The following HS6ST3 variants were observed in gnomAD, a reference collection of about 807,000 sequenced individuals.
HS6ST3 encodes the protein heparan-sulfate 6-O-sulfotransferase 3.
Under a neutral mutation model 36.7 loss-of-function variants are expected in HS6ST3, and 12 were observed. The observed-to-expected ratio is 0.33, with a 90% CI of 0.21 to 0.53. The LOEUF (loss-of-function observed/expected upper bound fraction) is 0.53, where lower values mean the gene tolerates loss of function less well. HS6ST3 is among the 20% of genes least tolerant of loss of function. The probability of loss-of-function intolerance (pLI) is 0.95; values close to 1 mark genes in which losing one functional copy is unlikely to be tolerated. For missense variants in HS6ST3, 584 were observed against 640.9 expected (o/e 0.91, Z 0.96); for synonymous variants, 240 against 257.5 (o/e 0.93, Z 0.65).
chr13:96,661,327 G>A (rs2056645639), intron 1 of HS6ST3, among the ~76,000 whole-genome samples: 1 of 152,118 alleles, frequency 6.6e-6, no homozygotes, highest in South Asian at 2.1e-4. Flanking sequence ...CCAGTATTGG[G>A]TGCATGTATT....
intron 1 of HS6ST3, among the ~76,000 whole-genome samples, chr13:96,488,780 A>C (rs1228403193): frequency 6.6e-6 from 1 of 152,072 alleles, no homozygotes; most frequent in African/African-American, 2.4e-5. Flanking sequence ...ATTCTTGGTC[A>C]CTTTGAATGC....
intron 1 of HS6ST3, among the ~76,000 whole-genome samples, chr13:96,476,029 G>T (rs1365941466): frequency 6.6e-6 from 1 of 152,200 alleles, no homozygotes; most frequent in African/African-American, 2.4e-5. Context: ...ACGCCTTGGA[G>T]GCTGGTAAAT....
At chr13:96,699,231 A>G (rs1266107513) in intron 1 of HS6ST3, among the ~76,000 whole-genome samples, 8 of 152,224 alleles carry the variant, frequency 5.3e-5, no homozygotes, top group Non-Finnish European at 8.8e-5. Flanking sequence ...AATGGTAACA[A>G]AAGCCAAAAT....
intron 1 of HS6ST3, among the ~76,000 whole-genome samples, chr13:96,135,778 G>C (rs2053998704): frequency 6.6e-6 from 1 of 152,210 alleles, no homozygotes; most frequent in Non-Finnish European, 1.5e-5. Context: ...AGTGAATTAG[G>C]CATAGAGTTT....
chr13:96,513,570 G>A lies in HS6ST3; in HGVS notation c.708-318920G>A, dbSNP rs2056059588. On this transcript the variant is annotated intron_variant, in intron 1 of 1. Transcript: ENST00000376705. ...TCCACTTCTTGGCTGAGCTCTGCCA[G>A]GTTACTTTTTATTTCCTTACATTGT... Among the ~76,000 whole-genome samples the A allele has an allele frequency of 2.6e-5, 4 of 151,924 alleles. No individual in the cohort carries two copies. The South Asian group carries it at 8.3e-4, about 32-fold the overall frequency.
intron 1 of HS6ST3, among the ~76,000 whole-genome samples, chr13:96,139,175 G>A (rs1444937154): frequency 6.6e-6 from 1 of 151,492 alleles, no homozygotes; most frequent in African/African-American, 2.4e-5. Context: ...AAGAAGCACC[G>A]TTTTTTTTCT....
At chr13:96,341,892 A>G (rs777835045) in intron 1 of HS6ST3, among the ~76,000 whole-genome samples, 4 of 152,128 alleles carry the variant, frequency 2.6e-5, no homozygotes, top group Non-Finnish European at 5.9e-5. Flanking sequence ...AATAAACTTT[A>G]CTATAAAGAG....
intron 1 of HS6ST3, among the ~76,000 whole-genome samples, chr13:96,284,086 C>T (rs1304731250): frequency 6.6e-6 from 1 of 152,070 alleles, no homozygotes; most frequent in Non-Finnish European, 1.5e-5. Flanking sequence ...ATTGTGGGAC[C>T]AGCTTCCTTT....
At chr13:96,271,846 T>G (rs987628143) in intron 1 of HS6ST3, among the ~76,000 whole-genome samples, 6 of 151,976 alleles carry the variant, frequency 3.9e-5, no homozygotes, top group Non-Finnish European at 8.8e-5. Context: ...AACTCTAAAC[T>G]GACACCATAT....
chr13:96,316,257 CTGTGTGTGTGTGTGTG>C (rs10534465), intron 1 of HS6ST3, among the ~76,000 whole-genome samples: 12,004 of 147,268 alleles, frequency 0.082, 528 homozygotes, highest in Middle Eastern at 0.12. Context: ...CTACATACAC[CTGTGTGTGTGTGTGTG>C]TGTGTGTGTG....
intron 1 of HS6ST3, among the ~76,000 whole-genome samples, chr13:96,725,393 T>A (rs1875977542): frequency 6.6e-6 from 1 of 152,124 alleles, no homozygotes; most frequent in Non-Finnish European, 1.5e-5. Context: ...TTAATCATAT[T>A]TTTCTTTTAT....
rs936977592 is a variant in HS6ST3 at position 96,420,015 on chromosome 13, G to A, written c.707+328446G>A. On this transcript the variant is annotated intron_variant, in intron 1 of 1. Transcript: ENST00000376705. ...TTTAACCCCATAATGAAAGAGTTAT[G>A]CTATCATTCATAAAAATCCTGTATA... Among the ~76,000 whole-genome samples the A allele has an allele frequency of 4.1e-4, 63 of 152,070 alleles. 2 individuals carry two copies. The highest frequency in any genetic ancestry group is 2.1e-4 in the South Asian group (1 of 4,824).
At chr13:96,777,795 A>T (rs1877425250) in intron 1 of HS6ST3, among the ~76,000 whole-genome samples, 1 of 152,194 alleles carries the variant, frequency 6.6e-6, no homozygotes, top group South Asian at 2.1e-4. Context: ...GTTACCACTG[A>T]CTTTCTTCAC....
chr13:96,330,630 T>A (rs1220761331), intron 1 of HS6ST3, among the ~76,000 whole-genome samples: 2 of 149,776 alleles, frequency 1.3e-5, no homozygotes, highest in Non-Finnish European at 3.0e-5. Context: ...TTCCTTCATT[T>A]CAACTTTGGT....
chr13:96,389,083 G>A (rs924986765), intron 1 of HS6ST3, among the ~76,000 whole-genome samples: 4 of 152,158 alleles, frequency 2.6e-5, no homozygotes, highest in Non-Finnish European at 5.9e-5. Flanking sequence ...GTGGCCAAAT[G>A]TAGAGATAGA....
intron 1 of HS6ST3, among the ~76,000 whole-genome samples, chr13:96,338,171 T>G (rs1418203138): frequency 6.6e-6 from 1 of 152,170 alleles, no homozygotes; most frequent in Non-Finnish European, 1.5e-5. Context: ...TTTTCTCCAA[T>G]GTTTGGTGGC....
At chr13:96,418,601 G>A (rs1327686526) in intron 1 of HS6ST3, among the ~76,000 whole-genome samples, 1 of 152,092 alleles carries the variant, frequency 6.6e-6, no homozygotes, top group East Asian at 1.9e-4. Flanking sequence ...CCTATAACCT[G>A]GTAGGTGCTA....
At chr13:96,597,151 A>T (rs2056404603) in intron 1 of HS6ST3, among the ~76,000 whole-genome samples, 1 of 152,126 alleles carries the variant, frequency 6.6e-6, no homozygotes, top group Non-Finnish European at 1.5e-5. Context: ...GAATACATGG[A>T]CACAAAGAGG....
intron 1 of HS6ST3, among the ~76,000 whole-genome samples, chr13:96,503,504 C>T (rs2056013863): frequency 1.3e-5 from 2 of 152,072 alleles, no homozygotes; most frequent in African/African-American, 2.4e-5. Context: ...ATGTCATATT[C>T]CTGGAACAGC....
Sources: allele counts gnomAD v4.1 joint callset (sites outside exome capture counted in the v4.1 genomes callset), GRCh38; gene constraint gnomAD v4.1.1; transcripts MANE v1.5; gene names NCBI Gene and HGNC (gene_info 2026-07-23, HGNC 2026-07-21).